LGSN: variants seen among roughly 807,000 people sequenced by gnomAD.
LGSN encodes lengsin, lens protein with glutamine synthetase domain, also known as lengsin.
A neutral mutation model predicts 19.5 loss-of-function variants in LGSN; 21 were observed. The observed-to-expected ratio is 1.07, with a 90% CI of 0.76 to 1.55. The LOEUF is 1.55. LGSN is among the 40% of genes most tolerant of loss of function. The probability of loss-of-function intolerance (pLI) is 0.00; values close to 1 mark genes in which losing one functional copy is unlikely to be tolerated. For synonymous variants in LGSN, 257 were observed against 215.6 expected (o/e 1.19, Z -1.68); for missense variants, 673 against 608.5 (o/e 1.11, Z -1.12).
chr6:63,468,612 G>C, the LGSN span, among the ~76,000 whole-genome samples: 1 of 151,458 alleles, frequency 6.6e-6, no homozygotes, highest in African/African-American at 2.4e-5. Context: ...ATTTTTAGTA[G>C]AGACAGGGTT....
chr6:63,466,606 T>A, the LGSN span, among the ~76,000 whole-genome samples: 1 of 152,148 alleles, frequency 6.6e-6, no homozygotes, highest in Non-Finnish European at 1.5e-5. Context: ...AATTGTCAAT[T>A]TTTAAGTATA....
intron 1 of LGSN, among the ~76,000 whole-genome samples, chr6:63,319,613 G>T (rs764282403): frequency 8.0e-5 from 12 of 150,740 alleles, no homozygotes; most frequent in Non-Finnish European, 1.2e-4. Flanking sequence ...AACCAAAATA[G>T]AAATAAATTT....
At chr6:63,293,745 T>C (rs1282961751) in intron 2 of LGSN, 1 of 456,674 alleles carries the variant, frequency 2.2e-6, no homozygotes, top group Admixed American at 2.3e-5. Flanking sequence ...TGTTGTCTCA[T>C]CCTGAGAGTC....
chr6:63,413,119 A>G, the LGSN span, among the ~76,000 whole-genome samples: 3 of 152,138 alleles, frequency 2.0e-5, no homozygotes, highest in Non-Finnish European at 4.4e-5. Flanking sequence ...GAATTAAACT[A>G]CCAGTGTTGA....
At chr6:63,348,744 T>A in the LGSN span, among the ~76,000 whole-genome samples, 1 of 149,446 alleles carries the variant, frequency 6.7e-6, no homozygotes, top group South Asian at 2.1e-4. Flanking sequence ...ATTTTTACTT[T>A]TTTTTTTTTT....
the LGSN span, among the ~76,000 whole-genome samples, chr6:63,471,130 G>A: frequency 2.0e-5 from 3 of 147,506 alleles, no homozygotes; most frequent in African/African-American, 7.5e-5. Context: ...TTTTTTTTTT[G>A]GTTGTTTTTT....
At chr6:63,426,610 G>A in the LGSN span, among the ~76,000 whole-genome samples, 1 of 152,116 alleles carries the variant, frequency 6.6e-6, no homozygotes, top group Admixed American at 6.5e-5. Flanking sequence ...CACCTCCCAG[G>A]TTCAAGTAAT....
At chr6:63,443,259 C>T in the LGSN span, among the ~76,000 whole-genome samples, 74 of 152,344 alleles carry the variant, frequency 4.9e-4, 1 homozygote, top group South Asian at 0.012. Flanking sequence ...GCCGAGCCCG[C>T]GCCCACCTGG....
intron 3 of LGSN, 84 bp from the exon 4 acceptor site, chr6:63,281,304 A>AAAATATATATAT (rs1472299320): frequency 1.5e-5 from 2 of 135,800 alleles, no homozygotes; most frequent in Non-Finnish European, 1.4e-5. Flanking sequence ...TGCTAATGAA[A>AAAATATATATAT]ATATATATAT....
the LGSN span, among the ~76,000 whole-genome samples, chr6:63,344,391 A>G: frequency 1.3e-5 from 2 of 152,250 alleles, no homozygotes; most frequent in African/African-American, 2.4e-5. Context: ...ATATACCAAG[A>G]TATTCTGAAG....
the LGSN span, among the ~76,000 whole-genome samples, chr6:63,478,366 C>T: frequency 3.9e-5 from 6 of 152,156 alleles, no homozygotes; most frequent in Admixed American, 2.6e-4. Flanking sequence ...AAGCACAGTG[C>T]GGAGTGACTG....
At chr6:63,354,347 T>C in the LGSN span, among the ~76,000 whole-genome samples, 1 of 152,144 alleles carries the variant, frequency 6.6e-6, no homozygotes, top group Non-Finnish European at 1.5e-5. Flanking sequence ...GAATAACATT[T>C]CTTGGACGAA....
chr6:63,551,123 T>A, the LGSN span, among the ~76,000 whole-genome samples: 1 of 152,122 alleles, frequency 6.6e-6, no homozygotes, highest in South Asian at 2.1e-4. Flanking sequence ...TGGAGCACAG[T>A]TGCTCAATCT....
chr6:63,495,632 T>G, the LGSN span, among the ~76,000 whole-genome samples: 2 of 151,468 alleles, frequency 1.3e-5, no homozygotes, highest in Non-Finnish European at 2.9e-5. Flanking sequence ...GTATTTTTAG[T>G]GGAGACAGGA....
chr6:63,395,765 T>C, the LGSN span: 1 of 150,276 alleles, frequency 6.7e-6, no homozygotes, highest in African/African-American at 2.5e-5. Context: ...ATCTGGACAA[T>C]ATCAAAGTTG....
At chr6:63,289,666 C>A (rs1299678892) in intron 2 of LGSN, among the ~76,000 whole-genome samples, 1 of 151,012 alleles carries the variant, frequency 6.6e-6, no homozygotes, top group Non-Finnish European at 1.5e-5. Flanking sequence ...AACTAGGAGG[C>A]CTTGGAGAAA....
At chr6:63,361,521 T>C in the LGSN span, among the ~76,000 whole-genome samples, 1 of 152,066 alleles carries the variant, frequency 6.6e-6, no homozygotes, top group Non-Finnish European at 1.5e-5. Flanking sequence ...AGTATTAGGG[T>C]GGAAGTGACC....
chr6:63,312,628 TAA>T (rs1431270289), intron 1 of LGSN, among the ~76,000 whole-genome samples: 1 of 152,216 alleles, frequency 6.6e-6, no homozygotes, highest in Admixed American at 6.5e-5. Context: ...AGTATACATT[TAA>T]GTGTCCCTTG....
chr6:63,483,377 T>A, the LGSN span, among the ~76,000 whole-genome samples: 7 of 151,974 alleles, frequency 4.6e-5, no homozygotes, highest in African/African-American at 1.2e-4. Context: ...TCTTTTTTTT[T>A]TTTTTTGAGA....
Sources: allele counts gnomAD v4.1 joint callset (sites outside exome capture counted in the v4.1 genomes callset), GRCh38; gene constraint gnomAD v4.1.1; transcripts MANE v1.5; gene names NCBI Gene and HGNC (gene_info 2026-07-23, HGNC 2026-07-21).